Variants in NAALADL2 observed in about 807,000 individuals in gnomAD.
NAALADL2 encodes the protein N-acetylated alpha-linked acidic dipeptidase like 2.
Under a neutral mutation model 87.2 loss-of-function variants are expected in NAALADL2, and 76 were observed. The observed-to-expected ratio is 0.87, with a 90% confidence interval of 0.72 to 1.05. The LOEUF (loss-of-function observed/expected upper bound fraction) is 1.05. NAALADL2 is among the 50% of genes least tolerant of loss of function. NAALADL2 has a pLI of 0.00. For synonymous variants in NAALADL2, 354 were observed against 331.0 expected (o/e 1.07, Z -0.75); for missense variants, 1,089 against 945.8 (o/e 1.15, Z -1.99).
At chr3:174,710,082 C>T (rs1054779450) in intron 2 of NAALADL2, among the ~76,000 whole-genome samples, 39 of 151,996 alleles carry the variant, frequency 2.6e-4, no homozygotes, top group African/African-American at 8.9e-4. Flanking sequence ...TCTTAGTCCT[C>T]GGTGTATACT....
rs1395000504 is a variant in NAALADL2, at chr3:174,891,269, A to C, written c.43+31819A>C. ...CTAAGGTGGCAAAACAGAAAGCTCC[A>C]CCAATCATCATCCCTTACCCACAAG... On this transcript the variant is annotated intron_variant, in intron 1 of 13. Coordinates refer to ENST00000454872, the MANE Select transcript of NAALADL2 (RefSeq NM_207015.3). Among the ~76,000 whole-genome samples the C allele has an allele frequency of 4.6e-5, 7 of 152,228 alleles. No homozygotes were observed. The East Asian group carries it at 1.4e-3, about 29-fold the overall frequency.
At chr3:175,344,440 A>C (rs1056574054) in intron 5 of NAALADL2, among the ~76,000 whole-genome samples, 1 of 151,450 alleles carries the variant, frequency 6.6e-6, no homozygotes, top group Non-Finnish European at 1.5e-5. Context: ...AAGTATGCCT[A>C]GTGCCCAGAG....
chr3:174,784,470 A>G (rs1313515883), intron 3 of NAALADL2, among the ~76,000 whole-genome samples: 1 of 152,180 alleles, frequency 6.6e-6, no homozygotes, highest in Non-Finnish European at 1.5e-5. Context: ...TCTGATTACT[A>G]TATACAATGT....
rs1214629469 is a variant in NAALADL2 at position 175,541,719 on chromosome 3, T to A, written c.1654-34322T>A. Reference sequence around the variant, plus strand: ...ATTTGTGTGCAGTTGTTTGTTGATCTCTGCTTGTTTGTTTGTTTTTTGAGA... The same window carrying A: ...ATTTGTGTGCAGTTGTTTGTTGATCACTGCTTGTTTGTTTGTTTTTTGAGA... On this transcript the variant is annotated intron_variant, in intron 9 of 13. Coordinates refer to ENST00000454872, the MANE Select transcript of NAALADL2 (RefSeq NM_207015.3). Among the ~76,000 whole-genome samples, 8 of 152,216 alleles carry A rather than the reference T, an allele frequency of 5.3e-5. No homozygotes were observed. The East Asian group carries it at 1.5e-3, about 29-fold the overall frequency.
chr3:175,214,313 T>G (rs1742192370), intron 2 of NAALADL2, among the ~76,000 whole-genome samples: 1 of 152,170 alleles, frequency 6.6e-6, no homozygotes, highest in Non-Finnish European at 1.5e-5. Context: ...ACAACAAAGC[T>G]GAAAATTCTG....
intron 2 of NAALADL2, among the ~76,000 whole-genome samples, chr3:175,175,253 AC>A (rs1735540054): frequency 1.3e-5 from 2 of 151,936 alleles, no homozygotes; most frequent in Non-Finnish European, 2.9e-5. Flanking sequence ...GGAAGAGAAA[AC>A]TTTTTAACAT....
chr3:175,447,459 A>G lies in NAALADL2; in HGVS notation c.1234+87A>G, dbSNP rs1366444482. The G allele has an allele frequency of 5.9e-6, 5 of 851,680 alleles. No homozygotes were observed. The Admixed American group carries it at 1.5e-4, about 26-fold the overall frequency. 52.8% of individuals were successfully genotyped at this position (851,680 alleles called of 1,614,324 possible). A position where few individuals can be genotyped will look rare whatever the true frequency, so the allele number is the denominator to read the frequency against. On this transcript the variant is annotated intron_variant, in intron 6 of 13. Transcript: ENST00000454872. ...AATCTCCTAAATTGATGTATGTAGG[A>G]TTATTCTTTTCAAAAACATTGACTT...
intron 2 of NAALADL2, among the ~76,000 whole-genome samples, chr3:175,101,919 T>C (rs1722276333): frequency 6.8e-6 from 1 of 147,434 alleles, no homozygotes; most frequent in African/African-American, 2.6e-5. Flanking sequence ...GTACAGAAAA[T>C]TATAAAGAAT....
At chr3:175,404,084 G>A (rs1451419985) in intron 5 of NAALADL2, among the ~76,000 whole-genome samples, 3 of 151,890 alleles carry the variant, frequency 2.0e-5, no homozygotes, top group African/African-American at 7.3e-5. Context: ...AAACATCTTG[G>A]TTTAGTTTCT....
chr3:175,398,140 G>T (rs548855578), intron 5 of NAALADL2, among the ~76,000 whole-genome samples: 9 of 152,158 alleles, frequency 5.9e-5, no homozygotes, highest in African/African-American at 2.2e-4. Context: ...AACCCATCAT[G>T]CTTGTTTAGC....
chr3:175,079,722 G>A (rs1717370936), intron 1 of NAALADL2, among the ~76,000 whole-genome samples: 1 of 152,098 alleles, frequency 6.6e-6, no homozygotes, highest in Admixed American at 6.6e-5. Flanking sequence ...CAAAATAAAA[G>A]GAATATGCAA....
intron 13 of NAALADL2, among the ~76,000 whole-genome samples, chr3:175,787,587 ACCCACTGACCTGCG>A (rs1362719931): frequency 1.1e-3 from 170 of 152,134 alleles, no homozygotes; most frequent in Admixed American, 9.6e-3. Context: ...CGGTGCGCGC[ACCCACTGACCTGCG>A]CCCACTGTCT....
At chr3:174,802,002 T>G (rs1718891957) in intron 3 of NAALADL2, among the ~76,000 whole-genome samples, 1 of 152,034 alleles carries the variant, frequency 6.6e-6, no homozygotes, top group South Asian at 2.1e-4. Flanking sequence ...TGTGAATATT[T>G]TTACCCACAT....
At chr3:175,424,602 G>T (rs913482280) in intron 5 of NAALADL2, among the ~76,000 whole-genome samples, 1 of 151,998 alleles carries the variant, frequency 6.6e-6, no homozygotes, top group Non-Finnish European at 1.5e-5. Flanking sequence ...ATTTCTGAGG[G>T]CTCTGTTCTG....
intron 1 of NAALADL2, among the ~76,000 whole-genome samples, chr3:175,091,821 A>G (rs2108325796): frequency 6.6e-6 from 1 of 152,086 alleles, no homozygotes; most frequent in South Asian, 2.1e-4. Context: ...TGTTAGCCAA[A>G]CTTCTCTTTT....
At chr3:175,404,757 A>T (rs1000396634) in intron 5 of NAALADL2, among the ~76,000 whole-genome samples, 5 of 152,160 alleles carry the variant, frequency 3.3e-5, no homozygotes, top group Non-Finnish European at 5.9e-5. Context: ...TTAAAGCTGC[A>T]TCTGAACCAT....
At chr3:175,794,808 T>C (rs1277769354) in intron 13 of NAALADL2, among the ~76,000 whole-genome samples, 1 of 152,242 alleles carries the variant, frequency 6.6e-6, no homozygotes, top group East Asian at 1.9e-4. Flanking sequence ...TATGCTGTGA[T>C]GGTTTTCATA....
At chr3:175,055,201 C>G (rs527251975) in intron 1 of NAALADL2, among the ~76,000 whole-genome samples, 2 of 152,228 alleles carry the variant, frequency 1.3e-5, no homozygotes, top group East Asian at 3.9e-4. Context: ...TCCTCCTGTT[C>G]GTTTAATTTC....
intron 1 of NAALADL2, among the ~76,000 whole-genome samples, chr3:175,085,853 G>A (rs1718791791): frequency 6.6e-6 from 1 of 152,216 alleles, no homozygotes. Flanking sequence ...AGGAGGCAGA[G>A]GTTGCAATAA....
Sources: gnomAD v4.1 joint callset for allele counts (sites outside exome capture counted in the v4.1 genomes callset) on GRCh38, gnomAD v4.1.1 for gene constraint, MANE v1.5 for transcripts, NCBI Gene and HGNC (gene_info 2026-07-23, HGNC 2026-07-21) for gene names.